The following NCAM1 variants were observed in gnomAD, a reference collection of about 807,000 sequenced individuals.
The protein encoded by NCAM1 is antigen recognized by monoclonal antibody 5.1H11.
In NCAM1, 14 loss-of-function variants were observed where a neutral mutation model predicts 109.8. The observed-to-expected ratio is 0.13, with a 90% CI of 0.08 to 0.20. NCAM1 has a LOEUF of 0.20. Among genes scored for constraint, NCAM1 ranks in the 10% least tolerant of loss-of-function variants. The pLI, the probability that NCAM1 is intolerant of heterozygous loss-of-function variation, is 1.00. For synonymous variants in NCAM1, 418 were observed against 442.9 expected (o/e 0.94, Z 0.70); for missense variants, 774 against 1,109.9 (o/e 0.70, Z 4.30).
chr11:112,974,487 A>G (rs1453900848), intron 1 of NCAM1, among the ~76,000 whole-genome samples: 1 of 152,010 alleles, frequency 6.6e-6, no homozygotes, highest in African/African-American at 2.4e-5. Context: ...ATCCATGTAT[A>G]TTCATGAGTA....
chr11:113,195,455 CCACACACA>C (rs10642528), intron 1 of NCAM1, among the ~76,000 whole-genome samples: 4 of 141,492 alleles, frequency 2.8e-5, no homozygotes, highest in Non-Finnish European at 6.0e-5. Flanking sequence ...TAAATACACA[CCACACACA>C]CACACACACA....
rs566099109 is a variant in NCAM1, at chr11:113,038,550, G to C, written c.52+76886G>C. 4.6e-5 allele frequency among the ~76,000 whole-genome samples: 7 copies of C among 152,212 alleles called. No individual in the cohort carries two copies. The East Asian group carries it at 1.4e-3, about 29-fold the overall frequency. On this transcript the variant is annotated intron_variant, in intron 1 of 19. Transcript: ENST00000316851. ...CAAGAATTTCATTTGTTCACCATTGGTATCCCTTAGCATCCAGCATAGTAG... is the reference window on the plus strand; with the variant it reads ...CAAGAATTTCATTTGTTCACCATTGCTATCCCTTAGCATCCAGCATAGTAG...
chr11:113,094,001 G>T (rs1939480223), intron 1 of NCAM1, among the ~76,000 whole-genome samples: 1 of 152,172 alleles, frequency 6.6e-6, no homozygotes, highest in Non-Finnish European at 1.5e-5. Context: ...CTGCTTTAGT[G>T]GCTGTTCCAT....
chr11:113,054,835 A>G (rs1183369138), intron 1 of NCAM1, among the ~76,000 whole-genome samples: 1 of 152,128 alleles, frequency 6.6e-6, no homozygotes, highest in Admixed American at 6.5e-5. Flanking sequence ...CTGAGGGAGC[A>G]AGAGAGCCAC....
chr11:113,216,092 T>A (rs1944519844), intron 8 of NCAM1, among the ~76,000 whole-genome samples: 1 of 151,900 alleles, frequency 6.6e-6, no homozygotes, highest in Admixed American at 6.5e-5. Flanking sequence ...TTAAGATTTG[T>A]GCCTACTGAG....
At position 113,242,896 on chromosome 11, in the gene NCAM1, T is replaced by C. The variant is rs1555119386; in HGVS notation, c.1826-3472T>C. On this transcript the variant is annotated intron_variant, in intron 14 of 19. Coordinates refer to ENST00000316851, the MANE Select transcript of NCAM1 (RefSeq NM_181351.5). ...CGGCCAGACCTCTGATCGCTTGTTG[T>C]AGAGCCGACTTCTAGATTACAGCGC... 4 of 1,613,292 alleles carry C rather than the reference T, an allele frequency of 2.5e-6. No individual in the cohort carries two copies. The East Asian group carries it at 8.9e-5, about 36-fold the overall frequency.
intron 1 of NCAM1, among the ~76,000 whole-genome samples, chr11:113,016,534 G>A (rs939916107): frequency 5.3e-5 from 8 of 152,326 alleles, no homozygotes; most frequent in African/African-American, 1.9e-4. Flanking sequence ...TACTTGTCAT[G>A]CGGTGCAGAA....
chr11:112,977,976 A>G (rs1399551950), intron 1 of NCAM1, among the ~76,000 whole-genome samples: 1 of 151,990 alleles, frequency 6.6e-6, no homozygotes, highest in East Asian at 1.9e-4. Context: ...ATACTGGAGA[A>G]TTAGTGCAGT....
At chr11:113,222,395 G>A (rs1944714213) in intron 9 of NCAM1, among the ~76,000 whole-genome samples, 2 of 152,196 alleles carry the variant, frequency 1.3e-5, no homozygotes, top group South Asian at 4.1e-4. Flanking sequence ...CCTGTCCCCA[G>A]GCACTGATCT....
chr11:113,013,948 G>C (rs541911069), intron 1 of NCAM1, among the ~76,000 whole-genome samples: 1 of 152,232 alleles, frequency 6.6e-6, no homozygotes, highest in Admixed American at 6.5e-5. Flanking sequence ...TTGTCCCTTT[G>C]AATGTCCCAG....
chr11:113,090,428 C>G (rs60915368), intron 1 of NCAM1, among the ~76,000 whole-genome samples: 3 of 152,334 alleles, frequency 2.0e-5, no homozygotes, highest in African/African-American at 4.8e-5. Context: ...CATTATTTCA[C>G]TTTCTGCGAC....
At chr11:113,174,632 T>C (rs1943093001) in intron 1 of NCAM1, among the ~76,000 whole-genome samples, 1 of 152,192 alleles carries the variant, frequency 6.6e-6, no homozygotes, top group South Asian at 2.1e-4. Flanking sequence ...ATGGCTAGTA[T>C]AGACTTTAAC....
intron 1 of NCAM1, among the ~76,000 whole-genome samples, chr11:113,074,124 G>T (rs1308969876): frequency 2.0e-5 from 3 of 152,152 alleles, no homozygotes; most frequent in African/African-American, 7.2e-5. Flanking sequence ...ACTTTTTGGT[G>T]CTGCTGCTGT....
chr11:113,185,976 C>T (rs556811884), intron 1 of NCAM1, among the ~76,000 whole-genome samples: 4 of 152,302 alleles, frequency 2.6e-5, no homozygotes, highest in East Asian at 3.9e-4. Context: ...AGCCTGCCCC[C>T]GCTGCATTTG....
intron 1 of NCAM1, among the ~76,000 whole-genome samples, chr11:113,059,645 G>A (rs1050341660): frequency 4.6e-5 from 7 of 152,110 alleles, no homozygotes; most frequent in African/African-American, 1.7e-4. Context: ...GAAGCCACAG[G>A]TCTCTTAAGG....
chr11:113,121,556 A>AAAC, intron 1 of NCAM1, among the ~76,000 whole-genome samples: 1 of 151,178 alleles, frequency 6.6e-6, no homozygotes, highest in African/African-American at 2.4e-5. Flanking sequence ...AAAAAAAAAA[A>AAAC]AAGGCACTGT....
In NCAM1 at chr11:113,233,711, A is replaced by G. The variant is rs1555117755; in HGVS notation, c.1693+394A>G. ...GACACCCGGCCAGTCCTGCTTGGATATCTGTACTCAGGGACTGGCTGTCTT... is the reference window on the plus strand; with the variant it reads ...GACACCCGGCCAGTCCTGCTTGGATGTCTGTACTCAGGGACTGGCTGTCTT... On this transcript the variant is annotated intron_variant, in intron 13 of 19. Transcript: ENST00000316851. The surrounding 1 kb of genome is among the most constrained non-coding windows in gnomAD (Gnocchi z 4.5). 6.6e-6 allele frequency among the ~76,000 whole-genome samples: 1 copy of G among 152,190 alleles called. No individual in the cohort carries two copies. The highest frequency in any genetic ancestry group is 2.4e-5 in the African/African-American group (1 of 41,448).
rs782263159 is a variant in NCAM1 at position 113,207,980 on chromosome 11, G to A, written c.894G>A (p.Ala298=). 1.3e-5 allele frequency: 21 copies of A among 1,610,238 alleles called. No individual in the cohort carries two copies. Among genetic ancestry groups the A allele is most frequent in the Admixed American group, 8.4e-5 (5 of 59,654 alleles). ...IAENKAGEQD[A]TIHLKVFAKP... ...AGAACAAGGCTGGCGAGCAGGATGC[G>A]ACCATCCACCTCAAAGTCTTTGGTA... The change falls in exon 7 of 20, where the codon GCG becomes GCA. Residue 298 remains alanine, a synonymous_variant. Coordinates refer to ENST00000316851, the MANE Select transcript of NCAM1 (RefSeq NM_181351.5).
intron 1 of NCAM1, among the ~76,000 whole-genome samples, chr11:113,073,847 A>T (rs1484672612): frequency 6.6e-6 from 1 of 152,222 alleles, no homozygotes; most frequent in African/African-American, 2.4e-5. Flanking sequence ...CTGTGCAAAG[A>T]AAGTTGCAGA....
Sources: allele counts gnomAD v4.1 joint callset (sites outside exome capture counted in the v4.1 genomes callset), GRCh38; gene constraint gnomAD v4.1.1; non-coding constraint Gnocchi (gnomAD v3.1); transcripts MANE v1.5; gene names NCBI Gene and HGNC (gene_info 2026-07-23, HGNC 2026-07-21).